Variants in JAK2 observed in about 807,000 individuals in gnomAD.
JAK2 encodes Janus kinase 2, also known as tyrosine-protein kinase JAK2.
Under a neutral mutation model 139.3 loss-of-function variants are expected in JAK2, and 86 were observed. The observed-to-expected ratio is 0.62, with a 90% CI of 0.52 to 0.74. The LOEUF (loss-of-function observed/expected upper bound fraction) is 0.74. Among genes scored for constraint, JAK2 ranks in the 30% least tolerant of loss-of-function variants. The pLI, the probability that JAK2 is intolerant of heterozygous loss-of-function variation, is 0.00. For missense variants in JAK2, 1,421 were observed against 1,360.3 expected (o/e 1.04, Z -0.70); for synonymous variants, 490 against 437.7 (o/e 1.12, Z -1.49).
At chr9:5,111,349 C>G in intron 22 of JAK2, 1 of 410,272 alleles carries the variant, frequency 2.4e-6, no homozygotes, top group Non-Finnish European at 4.7e-6. Flanking sequence ...AAGGGGACCT[C>G]CCGGTACTAC....
At chr9:5,092,424 C>T (rs541065919) in intron 22 of JAK2, among the ~76,000 whole-genome samples, 1 of 152,086 alleles carries the variant, frequency 6.6e-6, no homozygotes, top group African/African-American at 2.4e-5. Context: ...TCGCTTAACC[C>T]AAAGCATCCA....
intron 2 of JAK2, among the ~76,000 whole-genome samples, chr9:4,994,351 G>T (rs1335256590): frequency 3.3e-5 from 5 of 152,156 alleles, no homozygotes; most frequent in Non-Finnish European, 7.3e-5. Context: ...GTTCTTATCA[G>T]AATTACCTAA....
intron 4 of JAK2, among the ~76,000 whole-genome samples, chr9:5,033,182 GAGA>G (rs886406382): frequency 3.9e-5 from 6 of 152,170 alleles, no homozygotes; most frequent in Non-Finnish European, 5.9e-5. Context: ...GAAGTGAGAA[GAGA>G]AGTTTAGAGA....
intron 8 of JAK2, among the ~76,000 whole-genome samples, chr9:5,063,927 G>A (rs573400623): frequency 6.6e-6 from 1 of 152,340 alleles, no homozygotes; most frequent in Admixed American, 6.5e-5. Flanking sequence ...GGAGGCCAAG[G>A]CGGGCGGATC....
chr9:5,046,824 G>A (rs1817040441), intron 5 of JAK2, among the ~76,000 whole-genome samples: 2 of 152,094 alleles, frequency 1.3e-5, no homozygotes, highest in Non-Finnish European at 2.9e-5. Flanking sequence ...ACAACTTTCT[G>A]TTGCTTTTAC....
chr9:5,084,022 TCC>T (rs1451420922), intron 19 of JAK2, among the ~76,000 whole-genome samples: 4 of 152,138 alleles, frequency 2.6e-5, no homozygotes, highest in Non-Finnish European at 5.9e-5. Flanking sequence ...TTTACAACAT[TCC>T]CCTTTATTGT....
intron 19 of JAK2, chr9:5,084,890 T>C: frequency 2.3e-6 from 1 of 433,790 alleles, no homozygotes; most frequent in South Asian, 1.9e-5. Flanking sequence ...GTTTGATATC[T>C]TTTAAAATGA....
intron 22 of JAK2, among the ~76,000 whole-genome samples, chr9:5,101,762 T>C (rs1201256296): frequency 6.6e-6 from 1 of 152,046 alleles, no homozygotes; most frequent in African/African-American, 2.4e-5. Context: ...GCAAACAGAG[T>C]CTGGAGTGGA....
At chr9:5,053,773 T>G (rs1817577765) in intron 6 of JAK2, among the ~76,000 whole-genome samples, 1 of 151,976 alleles carries the variant, frequency 6.6e-6, no homozygotes, top group Non-Finnish European at 1.5e-5. Context: ...CCTTTGTGCC[T>G]GTGGATTCTA....
intron 2 of JAK2, among the ~76,000 whole-genome samples, chr9:4,991,800 C>A (rs77072981): frequency 0.025 from 3,772 of 150,114 alleles, 73 homozygotes; most frequent in Middle Eastern, 0.073. Context: ...GTTTAGCATC[C>A]CCTCTAAAGC....
At chr9:5,021,441 C>G (rs894019831) in intron 2 of JAK2, among the ~76,000 whole-genome samples, 2 of 152,132 alleles carry the variant, frequency 1.3e-5, no homozygotes, top group Non-Finnish European at 2.9e-5. Flanking sequence ...AGGTTGTTAA[C>G]TGGAATTTTA....
At chr9:5,082,682 T>G (rs1819791115) in intron 19 of JAK2, among the ~76,000 whole-genome samples, 2 of 152,254 alleles carry the variant, frequency 1.3e-5, no homozygotes, top group Non-Finnish European at 2.9e-5. Context: ...TACCCGGCTT[T>G]CCAGGGCAGA....
At chr9:5,007,850 C>T (rs912878181) in intron 2 of JAK2, among the ~76,000 whole-genome samples, 3 of 152,016 alleles carry the variant, frequency 2.0e-5, no homozygotes, top group African/African-American at 7.2e-5. Flanking sequence ...ATCTCAGCCT[C>T]CCAAGTAGCT....
intron 20 of JAK2, 85 bp downstream of exon 20, chr9:5,089,948 C>G: frequency 3.3e-6 from 3 of 920,986 alleles, no homozygotes; most frequent in Non-Finnish European, 4.4e-6. Flanking sequence ...TCTTAACGAT[C>G]TGGACTTATG....
intron 22 of JAK2, among the ~76,000 whole-genome samples, chr9:5,093,214 C>G (rs1348688143): frequency 6.6e-6 from 1 of 152,062 alleles, no homozygotes; most frequent in African/African-American, 2.4e-5. Context: ...ACTGTTAATC[C>G]AACACAGGCA....
At chr9:5,038,888 A>G (rs1221496124) in intron 4 of JAK2, among the ~76,000 whole-genome samples, 1 of 152,146 alleles carries the variant, frequency 6.6e-6, no homozygotes, top group Non-Finnish European at 1.5e-5. Context: ...CCACATTAAT[A>G]GAATAAATGA....
Position 5,072,631 on chromosome 9 carries a change from G to GT in JAK2, c.1776+6dup. On this transcript the variant is annotated splice_donor_region_variant and intron_variant, in intron 13 of 24. Coordinates refer to ENST00000381652, the MANE Select transcript of JAK2 (RefSeq NM_004972.4). ...GCACACAGAAACTATTCAGAGGTGTGTATGTTCTTTATATTGTTCATGTAG... is the reference window on the plus strand; with the variant it reads ...GCACACAGAAACTATTCAGAGGTGTGTTATGTTCTTTATATTGTTCATGTAG... The GT allele has an allele frequency of 1.3e-6, 2 of 1,584,714 alleles. No homozygotes were observed. Among genetic ancestry groups the GT allele is most frequent in the Non-Finnish European group, 1.7e-6 (2 of 1,163,530 alleles).
intron 14 of JAK2, among the ~76,000 whole-genome samples, chr9:5,076,215 T>C (rs1325473039): frequency 6.6e-6 from 1 of 152,182 alleles, no homozygotes; most frequent in East Asian, 1.9e-4. Context: ...TTTGGAATTT[T>C]ACATAAACTT....
chr9:4,992,972 C>T (rs1010806781), intron 2 of JAK2, among the ~76,000 whole-genome samples: 3 of 152,110 alleles, frequency 2.0e-5, no homozygotes, highest in African/African-American at 7.2e-5. Context: ...ACCCCTGCAC[C>T]CAACCCATAT....
Sources: gnomAD v4.1 joint callset for allele counts (sites outside exome capture counted in the v4.1 genomes callset) on GRCh38, gnomAD v4.1.1 for gene constraint, MANE v1.5 for transcripts, NCBI Gene and HGNC (gene_info 2026-07-23, HGNC 2026-07-21) for gene names.